Variants in ANTXR2 observed in about 807,000 individuals in gnomAD.
The protein encoded by ANTXR2 is anthrax toxin receptor 2.
Under a neutral mutation model 73.7 loss-of-function variants are expected in ANTXR2, and 44 were observed. The ratio of observed to expected loss-of-function variants is 0.60; its 90% CI spans 0.47 to 0.77. The LOEUF (loss-of-function observed/expected upper bound fraction) is 0.77. Among genes scored for constraint, ANTXR2 ranks in the 30% least tolerant of loss-of-function variants. The pLI, the probability that ANTXR2 is intolerant of heterozygous loss-of-function variation, is 0.00. For missense variants in ANTXR2, 604 were observed against 592.5 expected, an observed-to-expected ratio of 1.02 and a Z score of -0.20; for synonymous variants, 217 against 205.9, an observed-to-expected ratio of 1.05 and a Z score of -0.46.
intron 12 of ANTXR2, among the ~76,000 whole-genome samples, chr4:79,988,464 A>G (rs1312349795): frequency 1.3e-5 from 2 of 151,738 alleles, no homozygotes; most frequent in African/African-American, 2.4e-5. Context: ...TCCTAAATAC[A>G]TACACTCCCA....
At chr4:80,042,049 C>G (rs1560419006) in intron 7 of ANTXR2, among the ~76,000 whole-genome samples, 1 of 152,052 alleles carries the variant, frequency 6.6e-6, no homozygotes, top group Admixed American at 6.6e-5. Context: ...TAGCCAAATA[C>G]TTAGGGCCCT....
intron 7 of ANTXR2, among the ~76,000 whole-genome samples, chr4:80,041,148 G>A (rs1196468631): frequency 2.0e-5 from 3 of 151,968 alleles, no homozygotes; most frequent in Admixed American, 1.3e-4. Context: ...GGAAACTGGG[G>A]CTTAGAAAGA....
At chr4:79,994,092 TTAA>T (rs1357564920) in intron 12 of ANTXR2, among the ~76,000 whole-genome samples, 2 of 152,146 alleles carry the variant, frequency 1.3e-5, no homozygotes, top group East Asian at 3.9e-4. Context: ...AGAATTTTAA[TTAA>T]TAATACATTC....
At chr4:80,064,149 T>C (rs919177200) in intron 3 of ANTXR2, among the ~76,000 whole-genome samples, 1 of 152,230 alleles carries the variant, frequency 6.6e-6, no homozygotes, top group Non-Finnish European at 1.5e-5. Flanking sequence ...GTGACTTTTC[T>C]ATAATTTCCT....
rs1726956126 is a variant in ANTXR2 at position 79,907,376 on chromosome 4, A to C, written c.*53T>G. The C allele has an allele frequency of 6.4e-7, 1 of 1,562,722 alleles. No homozygotes were observed. Among genetic ancestry groups the C allele is most frequent in the Non-Finnish European group, 8.8e-7 (1 of 1,137,590 alleles). ...GATTTTTTTCATTTGGTTGAAAATC[A>C]GCTATGTGAAAATGTGCCATCTTCG... On this transcript the variant is annotated 3_prime_UTR_variant, in exon 17 of 17. Transcript: ENST00000403729.
At chr4:79,964,694 G>A (rs1223657932) in intron 16 of ANTXR2, 1 of 152,288 alleles carries the variant, frequency 6.6e-6, no homozygotes, top group Non-Finnish European at 1.5e-5. Context: ...CAGGCAGCGA[G>A]AGTGAGACCA....
intron 2 of ANTXR2, among the ~76,000 whole-genome samples, chr4:80,069,995 G>A (rs1039935656): frequency 1.3e-5 from 2 of 152,194 alleles, no homozygotes; most frequent in African/African-American, 4.8e-5. Context: ...AAATGTGAAA[G>A]AAACAATAAA....
chr4:79,964,029 GATTTA>G (rs2109998422), intron 16 of ANTXR2, among the ~76,000 whole-genome samples: 1 of 152,130 alleles, frequency 6.6e-6, no homozygotes, highest in African/African-American at 2.4e-5. Flanking sequence ...CATCGGCAAA[GATTTA>G]ATTTAATTTC....
intron 12 of ANTXR2, among the ~76,000 whole-genome samples, chr4:79,990,127 CCAGAGAAAT>C (rs1478543351): frequency 2.6e-5 from 4 of 151,930 alleles, no homozygotes; most frequent in African/African-American, 7.2e-5. Context: ...GAAGTCCTAG[CCAGAGAAAT>C]CAGATAACAG....
intron 3 of ANTXR2, among the ~76,000 whole-genome samples, chr4:80,060,941 G>A (rs138395427): frequency 1.1e-3 from 161 of 152,232 alleles, no homozygotes; most frequent in Non-Finnish European, 2.1e-3. Flanking sequence ...CCACTGGAAT[G>A]GCTAGAAGCG....
At chr4:80,026,575 C>T (rs567608413) in intron 10 of ANTXR2, among the ~76,000 whole-genome samples, 36 of 152,062 alleles carry the variant, frequency 2.4e-4, no homozygotes, top group Non-Finnish European at 4.3e-4. Context: ...TCTTTAAATA[C>T]TTTTCATTGT....
chr4:79,947,333 C>T (rs1728552749), intron 16 of ANTXR2, among the ~76,000 whole-genome samples: 2 of 152,044 alleles, frequency 1.3e-5, no homozygotes, highest in South Asian at 4.1e-4. Context: ...CATGTTAGTT[C>T]AGTGAGGTAA....
intron 9 of ANTXR2, among the ~76,000 whole-genome samples, chr4:80,033,102 T>C (rs1382347614): frequency 6.6e-6 from 1 of 151,878 alleles, no homozygotes; most frequent in East Asian, 1.9e-4. Flanking sequence ...AAAGAAGCAA[T>C]TAAATCATGT....
intron 7 of ANTXR2, among the ~76,000 whole-genome samples, chr4:80,042,047 T>C (rs1364555956): frequency 2.0e-5 from 3 of 152,122 alleles, no homozygotes; most frequent in African/African-American, 7.2e-5. Context: ...GATAGCCAAA[T>C]ACTTAGGGCC....
chr4:79,956,303 G>C (rs1275265965), intron 16 of ANTXR2, among the ~76,000 whole-genome samples: 2 of 152,080 alleles, frequency 1.3e-5, no homozygotes, highest in Non-Finnish European at 2.9e-5. Context: ...GGCACCAGAA[G>C]AATCAGGTTC....
intron 11 of ANTXR2, among the ~76,000 whole-genome samples, chr4:80,011,951 C>T (rs1197503266): frequency 2.0e-5 from 3 of 152,190 alleles, no homozygotes; most frequent in African/African-American, 7.2e-5. Flanking sequence ...AAACTTTATT[C>T]TGCCAAATAT....
chr4:80,049,995 G>A (rs773174595), intron 7 of ANTXR2, among the ~76,000 whole-genome samples: 13 of 151,630 alleles, frequency 8.6e-5, no homozygotes, highest in African/African-American at 1.2e-4. Flanking sequence ...AGGTTATTAG[G>A]TGCTTCCCTC....
chr4:79,934,840 CAAA>C (rs11301737), intron 16 of ANTXR2, among the ~76,000 whole-genome samples: 1 of 108,056 alleles, frequency 9.3e-6, no homozygotes. Flanking sequence ...AGTCAAGTTT[CAAA>C]AAAAAAAAAA....
chr4:80,056,802 C>T (rs1033944657), intron 3 of ANTXR2, among the ~76,000 whole-genome samples: 1 of 151,702 alleles, frequency 6.6e-6, no homozygotes, highest in African/African-American at 2.4e-5. Context: ...GGTATGACTA[C>T]AATATTATTA....
Sources: allele counts gnomAD v4.1 joint callset (sites outside exome capture counted in the v4.1 genomes callset), GRCh38; gene constraint gnomAD v4.1.1; transcripts MANE v1.5; gene names NCBI Gene and HGNC (gene_info 2026-07-23, HGNC 2026-07-21).